DIS3L2: variants seen among roughly 807,000 people sequenced by gnomAD.
The protein encoded by DIS3L2 is DIS3 like 3'-5' exoribonuclease 2, also known as DIS3-like exonuclease 2.
A neutral mutation model predicts 97.5 loss-of-function variants in DIS3L2; 34 were observed. The ratio of observed to expected loss-of-function variants is 0.35; its 90% CI spans 0.27 to 0.46. DIS3L2 has a LOEUF of 0.46. DIS3L2 is among the 20% of genes least tolerant of loss of function. DIS3L2 has a pLI of 1.00. For missense variants in DIS3L2, 1,038 were observed against 1,146.0 expected (o/e 0.91, Z 1.36); for synonymous variants, 435 against 445.2 (o/e 0.98, Z 0.29).
At chr2:232,128,282 A>G (rs943938222) in intron 6 of DIS3L2, among the ~76,000 whole-genome samples, 1 of 151,944 alleles carries the variant, frequency 6.6e-6, no homozygotes, top group Non-Finnish European at 1.5e-5. Flanking sequence ...TTGAGTGATT[A>G]TTTATATGAT....
chr2:232,244,637 G>T lies in DIS3L2; in HGVS notation c.1318-4602G>T, dbSNP rs1222642494. On this transcript the variant is annotated intron_variant, in intron 11 of 20. Transcript: ENST00000325385. ...GAGGGCACACATGTAAAGTGAGTGG[G>T]CCTGGGAGAAATTGGCCAAAGGAAG... Among the ~76,000 whole-genome samples the T allele has an allele frequency of 3.9e-5, 6 of 152,324 alleles. No individual in the cohort carries two copies. The East Asian group carries it at 1.2e-3, about 29-fold the overall frequency.
chr2:232,089,950 G>C (rs1696787971), intron 6 of DIS3L2, among the ~76,000 whole-genome samples: 1 of 152,088 alleles, frequency 6.6e-6, no homozygotes, highest in African/African-American at 2.4e-5. Flanking sequence ...CTCCTTTTGA[G>C]ATAGGGTCTC....
At chr2:232,175,941 G>A (rs1432103182) in intron 9 of DIS3L2, among the ~76,000 whole-genome samples, 4 of 152,012 alleles carry the variant, frequency 2.6e-5, no homozygotes, top group African/African-American at 9.7e-5. Flanking sequence ...CCAAACTGGA[G>A]TGCAGTGGTG....
intron 8 of DIS3L2, among the ~76,000 whole-genome samples, chr2:232,148,343 G>A (rs145864540): frequency 1.2e-4 from 18 of 152,142 alleles, no homozygotes; most frequent in Middle Eastern, 6.8e-3. Flanking sequence ...CACCGCACCC[G>A]GCCAAGATAG....
chr2:232,326,674 G>A (rs73995230), intron 14 of DIS3L2, among the ~76,000 whole-genome samples: 1 of 147,360 alleles, frequency 6.8e-6, no homozygotes, highest in East Asian at 2.0e-4. Flanking sequence ...CTTGACCTTT[G>A]TCTGGGTCCC....
intron 5 of DIS3L2, among the ~76,000 whole-genome samples, chr2:232,063,337 T>C (rs891211545): frequency 1.3e-5 from 2 of 152,002 alleles, no homozygotes; most frequent in Admixed American, 1.3e-4. Context: ...TTGATGGCTA[T>C]CTTTCTTTTA....
chr2:232,316,522 T>A lies in DIS3L2; in HGVS notation c.1740-13291T>A, dbSNP rs1358212143. ...CAGCCACTCCAAGCATGAGGCTTTG[T>A]GGGGAGCGTGGAATCTGTGAGGAAG... On this transcript the variant is annotated intron_variant, in intron 14 of 20. Coordinates refer to ENST00000325385, the MANE Select transcript of DIS3L2 (RefSeq NM_152383.5). Among the ~76,000 whole-genome samples, 3 of 152,200 alleles carry A rather than the reference T, an allele frequency of 2.0e-5. No homozygotes were observed. In the East Asian group the frequency reaches 5.8e-4, roughly 30 times the overall value.
chr2:232,333,218 TCCGCTGTCG>T (rs1387488573), intron 16 of DIS3L2, among the ~76,000 whole-genome samples: 45 of 29,944 alleles, frequency 1.5e-3, no homozygotes, highest in African/African-American at 5.8e-3. Flanking sequence ...CTCCTCCTCC[TCCGCTGTCG>T]CCTCCTCCTC....
At chr2:232,091,453 C>T (rs1002529959) in intron 6 of DIS3L2, among the ~76,000 whole-genome samples, 1 of 152,112 alleles carries the variant, frequency 6.6e-6, no homozygotes, top group Admixed American at 6.5e-5. Context: ...TAATGACCTC[C>T]AATTCCATTA....
At chr2:232,296,482 A>G (rs748979292) in intron 13 of DIS3L2, among the ~76,000 whole-genome samples, 1 of 152,270 alleles carries the variant, frequency 6.6e-6, no homozygotes, top group Non-Finnish European at 1.5e-5. Context: ...CTCACCTTGA[A>G]TTTTAGTAAT....
intron 14 of DIS3L2, among the ~76,000 whole-genome samples, chr2:232,317,337 G>A (rs1575014769): frequency 6.6e-6 from 1 of 152,202 alleles, no homozygotes; most frequent in East Asian, 1.9e-4. Context: ...GGAACACAGA[G>A]GTGTTCAGCA....
chr2:232,167,920 C>G (rs3103294), intron 9 of DIS3L2, among the ~76,000 whole-genome samples: 121,621 of 151,996 alleles, frequency 0.8, 49,230 homozygotes, highest in African/African-American at 0.9. Flanking sequence ...GTGGTGGCAG[C>G]CACCTGTAAT....
At chr2:232,092,816 T>C (rs999908674) in intron 6 of DIS3L2, among the ~76,000 whole-genome samples, 1 of 152,194 alleles carries the variant, frequency 6.6e-6, no homozygotes, top group African/African-American at 2.4e-5. Context: ...TTTCCAAATA[T>C]AAGATCATAC....
intron 10 of DIS3L2, among the ~76,000 whole-genome samples, chr2:232,234,000 T>G (rs1174074639): frequency 1.3e-5 from 2 of 152,168 alleles, no homozygotes; most frequent in Non-Finnish European, 2.9e-5. Flanking sequence ...AATCCAGAGC[T>G]GAGAATGTGG....
At chr2:232,214,551 G>A (rs576429728) in intron 10 of DIS3L2, among the ~76,000 whole-genome samples, 1 of 151,958 alleles carries the variant, frequency 6.6e-6, no homozygotes, top group African/African-American at 2.4e-5. Context: ...ATATTCTTTG[G>A]TGTCCAGTGG....
rs540282020 is a variant in DIS3L2 at position 232,263,540 on chromosome 2, T to C, written c.1659+100T>C. On this transcript the variant is annotated intron_variant, in intron 13 of 20. Transcript: ENST00000325385. ...GCAGGCTTAGACTCTTCCTTCCTTC[T>C]CTTTGCTCCAGGCACCACACTAAAA... 23 of 1,180,348 alleles carry C rather than the reference T, an allele frequency of 1.9e-5. No homozygotes were observed. In the South Asian group the frequency reaches 3.2e-4, roughly 17 times the overall value. 73.1% of individuals were successfully genotyped at this position (1,180,348 alleles called of 1,614,324 possible).
intron 7 of DIS3L2, among the ~76,000 whole-genome samples, chr2:232,132,999 G>C (rs1698261915): frequency 6.6e-6 from 1 of 152,142 alleles, no homozygotes; most frequent in Non-Finnish European, 1.5e-5. Flanking sequence ...TCTTCACCCA[G>C]AGACACCAAG....
At chr2:232,120,071 T>C (rs1373203595) in intron 6 of DIS3L2, among the ~76,000 whole-genome samples, 3 of 152,180 alleles carry the variant, frequency 2.0e-5, no homozygotes, top group Non-Finnish European at 4.4e-5. Context: ...AGAATTCATA[T>C]ACCCAGCCTC....
intron 1 of DIS3L2, among the ~76,000 whole-genome samples, chr2:231,976,912 T>C (rs940257276): frequency 6.6e-6 from 1 of 151,716 alleles, no homozygotes; most frequent in South Asian, 2.1e-4. Context: ...GGACAGCAGG[T>C]GCCCGCCACC....
Sources: gnomAD v4.1 joint callset for allele counts (sites outside exome capture counted in the v4.1 genomes callset) on GRCh38, gnomAD v4.1.1 for gene constraint, MANE v1.5 for transcripts, NCBI Gene and HGNC (gene_info 2026-07-23, HGNC 2026-07-21) for gene names.